Variants in RBM20 observed in about 807,000 individuals in gnomAD.
The protein encoded by RBM20 is RNA binding motif protein 20, also known as RNA-binding protein 20.
A neutral mutation model predicts 110.1 loss-of-function variants in RBM20; 51 were observed. That is an observed-to-expected ratio of 0.46 (90% CI 0.37 to 0.59). The LOEUF is 0.59. RBM20 is among the 20% of genes least tolerant of loss of function. The pLI, the probability that RBM20 is intolerant of heterozygous loss-of-function variation, is 0.00. For missense variants in RBM20, 1,512 were observed against 1,574.9 expected (o/e 0.96, Z 0.68); for synonymous variants, 589 against 618.2 (o/e 0.95, Z 0.70).
At chr10:110,646,110 G>A (rs1434275721) in intron 1 of RBM20, among the ~76,000 whole-genome samples, 4 of 152,120 alleles carry the variant, frequency 2.6e-5, no homozygotes, top group African/African-American at 4.8e-5. Flanking sequence ...TGCTTCGTAC[G>A]GAGCCAGTGT....
At chr10:110,671,260 T>A (rs1862254155) in intron 1 of RBM20, among the ~76,000 whole-genome samples, 1 of 152,270 alleles carries the variant, frequency 6.6e-6, no homozygotes, top group South Asian at 2.1e-4. Flanking sequence ...GTCTTATCAA[T>A]ACTATAGTAA....
At chr10:110,683,069 A>C (rs1415640771) in intron 1 of RBM20, among the ~76,000 whole-genome samples, 1 of 150,060 alleles carries the variant, frequency 6.7e-6, no homozygotes, top group Non-Finnish European at 1.5e-5. Context: ...ATTGATCACA[A>C]TTTTTGATTG....
chr10:110,816,701 C>T (rs962787951), intron 9 of RBM20, among the ~76,000 whole-genome samples: 1 of 152,182 alleles, frequency 6.6e-6, no homozygotes, highest in Non-Finnish European at 1.5e-5. Flanking sequence ...GCTGTGTTCC[C>T]AGTCCCTAGA....
chr10:110,718,931 T>TACTTCTTTC (rs1843469603), intron 1 of RBM20, among the ~76,000 whole-genome samples: 1 of 152,204 alleles, frequency 6.6e-6, no homozygotes, highest in Non-Finnish European at 1.5e-5. Flanking sequence ...CTACTTCTTT[T>TACTTCTTTC]TTATTAAAGA....
intron 1 of RBM20, among the ~76,000 whole-genome samples, chr10:110,752,903 T>C (rs1463121294): frequency 6.9e-6 from 1 of 144,200 alleles, no homozygotes; most frequent in Non-Finnish European, 1.5e-5. Flanking sequence ...ATAATACATA[T>C]ATATTATATA....
intron 1 of RBM20, among the ~76,000 whole-genome samples, chr10:110,730,196 G>A (rs1481829549): frequency 6.6e-6 from 1 of 152,200 alleles, no homozygotes; most frequent in Non-Finnish European, 1.5e-5. Flanking sequence ...GGGAGAAGCA[G>A]ACCCCTGGAT....
intron 13 of RBM20, among the ~76,000 whole-genome samples, chr10:110,832,285 C>T (rs1384699064): frequency 6.6e-6 from 1 of 152,136 alleles, no homozygotes; most frequent in Non-Finnish European, 1.5e-5. Flanking sequence ...AACCATAAGG[C>T]TTTGACTCAA....
intron 12 of RBM20, among the ~76,000 whole-genome samples, chr10:110,826,616 C>G (rs1425934253): frequency 6.8e-6 from 1 of 147,590 alleles, no homozygotes; most frequent in Non-Finnish European, 1.5e-5. Context: ...AAGTTTTTCT[C>G]TCGTTACCCA....
rs1416325171 is a variant in RBM20, at chr10:110,837,869, C to T, written c.*1891C>T. ...CGGAGAGGTTGGAAGAAGCAAGAAA[C>T]CTGAACTCATCATCAGGCTATTAAA... is the stretch of plus-strand genomic sequence containing the variant. On this transcript the variant is annotated 3_prime_UTR_variant, in exon 14 of 14. Coordinates refer to ENST00000369519, the MANE Select transcript of RBM20 (RefSeq NM_001134363.3). The T allele has an allele frequency of 1.3e-5, 2 of 152,182 alleles. No homozygotes were observed. Among genetic ancestry groups the T allele is most frequent in the African/African-American group, 4.8e-5 (2 of 41,436 alleles). The allele number at this position is 152,182 out of a possible 1,614,324, so 9.4% of individuals were successfully genotyped here.
intron 1 of RBM20, among the ~76,000 whole-genome samples, chr10:110,749,786 A>T (rs1393397483): frequency 6.6e-6 from 1 of 152,180 alleles, no homozygotes; most frequent in Non-Finnish European, 1.5e-5. Flanking sequence ...ATCTTGAGAC[A>T]ACTAGCTTTC....
At chr10:110,772,566 A>G (rs1844207404) in intron 1 of RBM20, among the ~76,000 whole-genome samples, 1 of 152,240 alleles carries the variant, frequency 6.6e-6, no homozygotes, top group African/African-American at 2.4e-5. Flanking sequence ...AGCATTCAGT[A>G]CAGGAACATG....
rs115785302 is a variant in RBM20 at position 110,794,569 on chromosome 10, C to T, written c.1528-2939C>T. Among the ~76,000 whole-genome samples, 1,490 of 152,316 alleles carry T rather than the reference C, an allele frequency of 9.8e-3. 17 individuals carry two copies. The highest frequency in any genetic ancestry group is 0.034 in the African/African-American group (1,401 of 41,562). On this transcript the variant is annotated intron_variant, in intron 5 of 13. Transcript: ENST00000369519. ...TCAGCCTGAGGGATCAATATCTTGG[C>T]ACTCCTATAACCATTTGCAGTTGAT...
chr10:110,691,845 G>A (rs1392434890), intron 1 of RBM20, among the ~76,000 whole-genome samples: 1 of 151,982 alleles, frequency 6.6e-6, no homozygotes, highest in East Asian at 1.9e-4. Context: ...AGAAGTCATT[G>A]CCAAATCCAA....
At chr10:110,652,071 A>C (rs1861957709) in intron 1 of RBM20, among the ~76,000 whole-genome samples, 1 of 152,226 alleles carries the variant, frequency 6.6e-6, no homozygotes, top group Admixed American at 6.5e-5. Context: ...AAAATTAGAA[A>C]CCACTTAAAT....
chr10:110,745,665 G>A (rs186494319), intron 1 of RBM20, among the ~76,000 whole-genome samples: 41 of 152,222 alleles, frequency 2.7e-4, no homozygotes, highest in East Asian at 5.8e-4. Context: ...AGGAGTAGCC[G>A]TCATATCCAA....
At chr10:110,743,258 C>T (rs1843741062) in intron 1 of RBM20, among the ~76,000 whole-genome samples, 1 of 152,164 alleles carries the variant, frequency 6.6e-6, no homozygotes, top group Non-Finnish European at 1.5e-5. Flanking sequence ...ATTCTCTAAA[C>T]CTCCAATGGG....
At chr10:110,765,008 C>T (rs538625047) in intron 1 of RBM20, among the ~76,000 whole-genome samples, 9 of 151,914 alleles carry the variant, frequency 5.9e-5, no homozygotes, top group Non-Finnish European at 1.2e-4. Flanking sequence ...AAAAAATTAA[C>T]AAATGATTCA....
intron 1 of RBM20, among the ~76,000 whole-genome samples, chr10:110,779,777 C>T (rs781635809): frequency 2.6e-5 from 4 of 152,236 alleles, no homozygotes; most frequent in Non-Finnish European, 4.4e-5. Context: ...AGAAGTGGTT[C>T]GTGTTGTGAG....
At chr10:110,695,404 A>G (rs945308917) in intron 1 of RBM20, among the ~76,000 whole-genome samples, 3 of 152,158 alleles carry the variant, frequency 2.0e-5, no homozygotes, top group Admixed American at 6.5e-5. Context: ...CCTGCCTGGG[A>G]TGGGAACGGG....
Sources: allele counts gnomAD v4.1 joint callset (sites outside exome capture counted in the v4.1 genomes callset), GRCh38; gene constraint gnomAD v4.1.1; transcripts MANE v1.5; gene names NCBI Gene and HGNC (gene_info 2026-07-23, HGNC 2026-07-21).